Variants in TASP1 observed in about 807,000 individuals in gnomAD.
The protein encoded by TASP1 is taspase 1.
A neutral mutation model predicts 56.6 loss-of-function variants in TASP1; 16 were observed. The ratio of observed to expected loss-of-function variants is 0.28; its 90% CI spans 0.19 to 0.43. TASP1 has a LOEUF of 0.43. Among genes scored for constraint, TASP1 ranks in the 20% least tolerant of loss-of-function variants. The pLI is 1.00. For missense variants in TASP1, 393 were observed against 511.6 expected (o/e 0.77, Z 2.24); for synonymous variants, 179 against 184.2 (o/e 0.97, Z 0.23).
At chr20:13,455,626 C>A (rs530608798) in intron 11 of TASP1, among the ~76,000 whole-genome samples, 1 of 152,128 alleles carries the variant, frequency 6.6e-6, no homozygotes, top group South Asian at 2.1e-4. Context: ...TAAGAAGAGA[C>A]GAGACAATGT....
At chr20:13,339,750 G>C in the TASP1 span, among the ~76,000 whole-genome samples, 1 of 151,814 alleles carries the variant, frequency 6.6e-6, no homozygotes, top group African/African-American at 2.4e-5. Context: ...CATAAGTGTT[G>C]AACATTCATC....
chr20:13,219,983 G>T, the TASP1 span, among the ~76,000 whole-genome samples: 1 of 152,164 alleles, frequency 6.6e-6, no homozygotes, highest in South Asian at 2.1e-4. Flanking sequence ...CGTCAAGAAA[G>T]AGTTGATTAT....
chr20:13,332,726 A>G, the TASP1 span, among the ~76,000 whole-genome samples: 1 of 152,166 alleles, frequency 6.6e-6, no homozygotes, highest in Non-Finnish European at 1.5e-5. Context: ...TTTCCACTCT[A>G]TGTCATTTTC....
intron 7 of TASP1, among the ~76,000 whole-genome samples, chr20:13,569,119 T>A (rs906933037): frequency 6.6e-6 from 1 of 152,064 alleles, no homozygotes; most frequent in Non-Finnish European, 1.5e-5. Flanking sequence ...TGTTTTTCCT[T>A]CCCTTGCATT....
At chr20:13,175,461 G>A in the TASP1 span, among the ~76,000 whole-genome samples, 1 of 152,024 alleles carries the variant, frequency 6.6e-6, no homozygotes, top group Non-Finnish European at 1.5e-5. Context: ...TCCCACATAG[G>A]GAAAAAAGAT....
intron 2 of TASP1, among the ~76,000 whole-genome samples, chr20:13,628,630 TCA>T (rs2048981736): frequency 6.6e-6 from 1 of 152,166 alleles, no homozygotes; most frequent in African/African-American, 2.4e-5. Context: ...GACACCAGTC[TCA>T]CAAGAAGAAA....
the TASP1 span, among the ~76,000 whole-genome samples, chr20:13,107,618 A>G: frequency 6.6e-6 from 1 of 152,216 alleles, no homozygotes; most frequent in Non-Finnish European, 1.5e-5. Flanking sequence ...AGAAAAGGAA[A>G]GTGGCATGAA....
chr20:13,272,729 G>A, the TASP1 span, among the ~76,000 whole-genome samples: 37 of 152,332 alleles, frequency 2.4e-4, 1 homozygote, highest in African/African-American at 8.7e-4. Context: ...GACTGGCCAC[G>A]TGGTGTGATA....
At position 13,590,606 on chromosome 20, in the gene TASP1, A is replaced by G. The variant is rs558352862; in HGVS notation, c.283-3236T>C. On this transcript the variant is annotated intron_variant, in intron 4 of 13. Coordinates refer to ENST00000337743, the MANE Select transcript of TASP1 (RefSeq NM_017714.3). ...TTTTTGACCAGGCACAGCAGCTCAC[A>G]CCTGTAATCCCAGCACTTTGGGAGG... Among the ~76,000 whole-genome samples the G allele has an allele frequency of 7.2e-5, 11 of 152,242 alleles. No individual in the cohort carries two copies. The East Asian group carries it at 1.2e-3, about 16-fold the overall frequency.
intron 7 of TASP1, among the ~76,000 whole-genome samples, chr20:13,560,429 C>T (rs1178707534): frequency 6.6e-6 from 1 of 152,102 alleles, no homozygotes; most frequent in Non-Finnish European, 1.5e-5. Flanking sequence ...TACGTCAAGC[C>T]CAAAGCCCAT....
At chr20:13,523,368 T>G (rs2044841660) in intron 10 of TASP1, among the ~76,000 whole-genome samples, 1 of 152,132 alleles carries the variant, frequency 6.6e-6, no homozygotes, top group Admixed American at 6.6e-5. Context: ...ATGGCATTTG[T>G]CAATATCTCA....
chr20:13,598,668 C>T (rs1395681976), intron 4 of TASP1, among the ~76,000 whole-genome samples: 1 of 152,026 alleles, frequency 6.6e-6, no homozygotes, highest in African/African-American at 2.4e-5. Flanking sequence ...GCAACAAAAG[C>T]CAAAATAGAC....
the TASP1 span, among the ~76,000 whole-genome samples, chr20:13,212,289 T>C: frequency 6.6e-6 from 1 of 152,152 alleles, no homozygotes; most frequent in Non-Finnish European, 1.5e-5. Context: ...ATTAGGAGCC[T>C]GGGTCCCCTC....
At chr20:13,464,935 G>A (rs546403868) in intron 11 of TASP1, among the ~76,000 whole-genome samples, 14 of 152,138 alleles carry the variant, frequency 9.2e-5, no homozygotes, top group African/African-American at 3.4e-4. Flanking sequence ...AGCCGAGACA[G>A]GAAGATTGCT....
At chr20:13,262,963 G>A in the TASP1 span, among the ~76,000 whole-genome samples, 48 of 152,022 alleles carry the variant, frequency 3.2e-4, no homozygotes, top group Non-Finnish European at 5.9e-4. Flanking sequence ...TAGTCAGACC[G>A]TGACAGCAGG....
intron 12 of TASP1, among the ~76,000 whole-genome samples, chr20:13,425,310 A>T (rs1185350194): frequency 2.6e-5 from 4 of 152,160 alleles, no homozygotes; most frequent in Non-Finnish European, 5.9e-5. Flanking sequence ...TCTCTTTCAA[A>T]ATCATCCACA....
chr20:13,421,745 T>C (rs923900013), intron 12 of TASP1, among the ~76,000 whole-genome samples: 1 of 152,112 alleles, frequency 6.6e-6, no homozygotes, highest in African/African-American at 2.4e-5. Context: ...CAGATTCATA[T>C]AGCAGTGGTG....
intron 1 of TASP1, among the ~76,000 whole-genome samples, chr20:13,631,792 C>G (rs1398688397): frequency 2.0e-5 from 3 of 152,148 alleles, no homozygotes; most frequent in Admixed American, 2.0e-4. Context: ...ACTGGCCAGG[C>G]GCGGTGGCTC....
chr20:13,509,124 A>AGTGTGTGTGTGT (rs71334125), intron 10 of TASP1, among the ~76,000 whole-genome samples: 2,008 of 142,818 alleles, frequency 0.014, 26 homozygotes, highest in East Asian at 0.04. Context: ...GAATGAAGAA[A>AGTGTGTGTGTGT]GTGTGTGTGT....
Sources: gnomAD v4.1 joint callset for allele counts (sites outside exome capture counted in the v4.1 genomes callset) on GRCh38, gnomAD v4.1.1 for gene constraint, MANE v1.5 for transcripts, NCBI Gene and HGNC (gene_info 2026-07-23, HGNC 2026-07-21) for gene names.